The following SLC37A3 variants were observed in gnomAD, a reference collection of about 807,000 sequenced individuals.
SLC37A3 encodes solute carrier family 37 member 3, also known as sugar phosphate exchanger 3.
A neutral mutation model predicts 67.1 loss-of-function variants in SLC37A3; 51 were observed. The ratio of observed to expected loss-of-function variants is 0.76; its 90% CI spans 0.61 to 0.96. SLC37A3 has a LOEUF of 0.96. SLC37A3 is among the 40% of genes least tolerant of loss of function. The pLI, the probability that SLC37A3 is intolerant of heterozygous loss-of-function variation, is 0.00. For synonymous variants in SLC37A3, 214 were observed against 231.4 expected (o/e 0.92, Z 0.68); for missense variants, 508 against 603.0 (o/e 0.84, Z 1.65).
chr7:140,368,438 A>G (rs562409819), intron 4 of SLC37A3, among the ~76,000 whole-genome samples: 16 of 152,200 alleles, frequency 1.1e-4, no homozygotes, highest in African/African-American at 3.9e-4. Context: ...GTGGTGGCGC[A>G]TGCCTGCAAT....
At position 140,335,279 on chromosome 7, in the gene SLC37A3, C is replaced by T. The variant is rs769836773; in HGVS notation, c.*133G>A. 6.2e-7 allele frequency: 1 copy of T among 1,614,120 alleles called. No homozygotes were observed. The highest frequency in any genetic ancestry group is 1.1e-5 in the South Asian group (1 of 91,070). On this transcript the variant is annotated 3_prime_UTR_variant, in exon 15 of 15. Transcript: ENST00000326232. The stretch of plus-strand genomic sequence containing the variant: ...CACTGCTGGTCAGCATCTCAGGTGG[C>T]TGGCAGTGTTGAGAGACGCCTGACA...
At chr7:140,378,786 G>A (rs1429178448) in intron 3 of SLC37A3, among the ~76,000 whole-genome samples, 1 of 150,936 alleles carries the variant, frequency 6.6e-6, no homozygotes, top group Admixed American at 6.6e-5. Flanking sequence ...AGTGGCCCAC[G>A]CCTGTAATAC....
rs953311566 is a variant in SLC37A3, at chr7:140,336,331, G to A, written c.1393-827C>T. The stretch of plus-strand genomic sequence containing the variant: ...AGGCTGAGGTGGGAGGACCCCCTGA[G>A]CCCAAGATCACCTGAGCCCAGGAGG... On this transcript the variant is annotated intron_variant, in intron 14 of 14. Transcript: ENST00000326232. Among the ~76,000 whole-genome samples, 4 of 152,158 alleles carry A rather than the reference G, an allele frequency of 2.6e-5. No homozygotes were observed. The South Asian group carries it at 8.3e-4, about 32-fold the overall frequency.
chr7:140,361,602 A>G (rs1469004907), intron 5 of SLC37A3, among the ~76,000 whole-genome samples: 2 of 143,934 alleles, frequency 1.4e-5, no homozygotes, highest in Non-Finnish European at 3.1e-5. Flanking sequence ...ATGCCGAGCC[A>G]AAGCTGGACG....
rs546430449 is a variant in SLC37A3 at position 140,383,370 on chromosome 7, C to T, written c.-70-774G>A. 3.3e-5 allele frequency among the ~76,000 whole-genome samples: 5 copies of T among 152,162 alleles called. No homozygotes were observed. In the East Asian group the frequency reaches 9.7e-4, roughly 29 times the overall value. Reference sequence around the variant, plus strand: ...TGTAGTACCCCAGCTACTGGAGAGGCTGAGACAGGAAGATCCCTTGAGTCC... The same window carrying T: ...TGTAGTACCCCAGCTACTGGAGAGGTTGAGACAGGAAGATCCCTTGAGTCC... On this transcript the variant is annotated intron_variant, in intron 1 of 14. Transcript: ENST00000326232.
intron 1 of SLC37A3, among the ~76,000 whole-genome samples, chr7:140,382,997 T>A (rs1462874420): frequency 2.6e-5 from 4 of 152,144 alleles, no homozygotes; most frequent in Non-Finnish European, 5.9e-5. Context: ...AAGAAGATTG[T>A]GCTCAATGCA....
At chr7:140,377,669 G>C (rs1254428095) in intron 3 of SLC37A3, among the ~76,000 whole-genome samples, 1 of 152,072 alleles carries the variant, frequency 6.6e-6, no homozygotes, top group Non-Finnish European at 1.5e-5. Flanking sequence ...TACTTTTTAG[G>C]ATGCTATTTA....
intron 7 of SLC37A3, 58 bp from the exon 8 acceptor site, chr7:140,352,204 C>A (rs1796840169): frequency 1.3e-5 from 9 of 701,956 alleles, no homozygotes; most frequent in Middle Eastern, 4.9e-4. Context: ...ATCACAAGCA[C>A]ATTCATTAAA....
intron 10 of SLC37A3, among the ~76,000 whole-genome samples, chr7:140,347,773 C>A (rs1163828618): frequency 3.7e-4 from 52 of 139,516 alleles, no homozygotes; most frequent in Admixed American, 1.9e-3. Flanking sequence ...AAAAAAAAAA[C>A]CACTATTAAA....
intron 4 of SLC37A3, among the ~76,000 whole-genome samples, chr7:140,368,515 C>T (rs1176077222): frequency 6.6e-6 from 1 of 152,012 alleles, no homozygotes; most frequent in African/African-American, 2.4e-5. Flanking sequence ...TGTGGTGAGC[C>T]AAGATTGTGC....
chr7:140,340,931 CAAA>C (rs35222116), intron 13 of SLC37A3, among the ~76,000 whole-genome samples: 1 of 145,496 alleles, frequency 6.9e-6, no homozygotes. Flanking sequence ...GATGCTGTCT[CAAA>C]AAAAAAAAAT....
At chr7:140,367,356 G>A (rs975755769) in intron 4 of SLC37A3, among the ~76,000 whole-genome samples, 1 of 150,044 alleles carries the variant, frequency 6.7e-6, no homozygotes, top group Non-Finnish European at 1.5e-5. Flanking sequence ...AGAATCACTG[G>A]AACTAGGAGG....
chr7:140,359,711 A>T (rs1269073587), intron 5 of SLC37A3, among the ~76,000 whole-genome samples: 1 of 152,256 alleles, frequency 6.6e-6, no homozygotes, highest in African/African-American at 2.4e-5. Flanking sequence ...ATTAAAAAAT[A>T]GTATGTATAA....
At chr7:140,349,479 G>A (rs1405787217) in intron 9 of SLC37A3, among the ~76,000 whole-genome samples, 1 of 143,996 alleles carries the variant, frequency 6.9e-6, no homozygotes, top group Non-Finnish European at 1.5e-5. Context: ...GTGGGGCTGA[G>A]ACTCCTATAT....
intron 1 of SLC37A3, among the ~76,000 whole-genome samples, chr7:140,387,556 G>A (rs1016948979): frequency 2.8e-5 from 4 of 143,386 alleles, no homozygotes; most frequent in Admixed American, 7.8e-5. Flanking sequence ...TGGAGGCTGC[G>A]GTGAGCTGAA....
At chr7:140,375,372 G>A (rs1797993799) in intron 3 of SLC37A3, among the ~76,000 whole-genome samples, 1 of 151,704 alleles carries the variant, frequency 6.6e-6, no homozygotes, top group South Asian at 2.1e-4. Flanking sequence ...CTACTCCGTA[G>A]GCTGAGACAG....
intron 1 of SLC37A3, among the ~76,000 whole-genome samples, chr7:140,387,776 CAT>C (rs1298680550): frequency 1.3e-4 from 2 of 15,178 alleles, no homozygotes; most frequent in Non-Finnish European, 2.6e-4. Context: ...ATATATTATA[CAT>C]AAATATAAAT....
intron 13 of SLC37A3, among the ~76,000 whole-genome samples, chr7:140,342,644 G>T (rs533262935): frequency 1.3e-5 from 2 of 150,164 alleles, no homozygotes; most frequent in Non-Finnish European, 3.0e-5. Flanking sequence ...TGCCAGAAAA[G>T]AAATATCTGT....
rs1468868701 is a variant in SLC37A3, at chr7:140,334,219, A to G, written c.*1193T>C. On this transcript the variant is annotated 3_prime_UTR_variant, in exon 15 of 15. Coordinates refer to ENST00000326232, the MANE Select transcript of SLC37A3 (RefSeq NM_207113.3). ...TAATGTACAATATTCAATAAATTACATGATATATTCAACACTCGATTATAA... is the reference window on the plus strand; with the variant it reads ...TAATGTACAATATTCAATAAATTACGTGATATATTCAACACTCGATTATAA... The G allele has an allele frequency of 2.6e-5, 4 of 152,214 alleles. No homozygotes were observed. Among genetic ancestry groups the G allele is most frequent in the African/African-American group, 4.8e-5 (2 of 41,458 alleles). The allele number at this position is 152,214 out of a possible 1,614,324, so 9.4% of individuals were successfully genotyped here.
Sources: allele counts gnomAD v4.1 joint callset (sites outside exome capture counted in the v4.1 genomes callset), GRCh38; gene constraint gnomAD v4.1.1; transcripts MANE v1.5; gene names NCBI Gene and HGNC (gene_info 2026-07-23, HGNC 2026-07-21).